ZZEF1: variants seen among roughly 807,000 people sequenced by gnomAD.
ZZEF1 encodes zinc finger ZZ-type and EF-hand domain containing 1.
A neutral mutation model predicts 342.8 loss-of-function variants in ZZEF1; 157 were observed. That is an observed-to-expected ratio of 0.46 (90% CI 0.40 to 0.52). The LOEUF is 0.52. Among genes scored for constraint, ZZEF1 ranks in the 20% least tolerant of loss-of-function variants. The pLI is 0.00. For missense variants in ZZEF1, 3,480 were observed against 3,725.6 expected, an observed-to-expected ratio of 0.93 and a Z score of 1.72; for synonymous variants, 1,505 against 1,429.1, an observed-to-expected ratio of 1.05 and a Z score of -1.20.
At chr17:4,084,818 A>G (rs2057788854) in intron 16 of ZZEF1, among the ~76,000 whole-genome samples, 1 of 152,228 alleles carries the variant, frequency 6.6e-6, no homozygotes, top group Non-Finnish European at 1.5e-5. Context: ...TAAGGAATAA[A>G]ACTTGGTGAT....
chr17:4,006,687 T>C lies in ZZEF1; in HGVS notation c.*203A>G. On this transcript the variant is annotated 3_prime_UTR_variant, in exon 55 of 55. Coordinates refer to ENST00000381638, the MANE Select transcript of ZZEF1 (RefSeq NM_015113.4). ...GAGGCATTCTGCACTGCTTGGCTTA[T>C]TTTCACCATGCTACAGCCTGTGCTT... is the stretch of plus-strand genomic sequence containing the variant. 3.1e-6 allele frequency: 2 copies of C among 638,026 alleles called. No homozygotes were observed. Among genetic ancestry groups the C allele is most frequent in the South Asian group, 3.6e-5 (2 of 56,270 alleles). 39.5% of individuals were successfully genotyped at this position (638,026 alleles called of 1,614,324 possible). A position where few individuals can be genotyped will look rare whatever the true frequency, so the allele number is the denominator to read the frequency against.
chr17:4,084,948 C>T (rs975776064), intron 16 of ZZEF1, among the ~76,000 whole-genome samples: 1 of 151,850 alleles, frequency 6.6e-6, no homozygotes, highest in African/African-American at 2.4e-5. Flanking sequence ...CTCATCTCTA[C>T]AAAAAATACA....
At chr17:4,057,657 G>C (rs2057193226) in intron 32 of ZZEF1, among the ~76,000 whole-genome samples, 1 of 152,192 alleles carries the variant, frequency 6.6e-6, no homozygotes, top group African/African-American at 2.4e-5. Flanking sequence ...AAAATGCAGA[G>C]GATTCTCGGC....
At chr17:4,024,579 C>T (rs1307834698) in intron 43 of ZZEF1, among the ~76,000 whole-genome samples, 5 of 152,172 alleles carry the variant, frequency 3.3e-5, no homozygotes, top group Admixed American at 6.5e-5. Flanking sequence ...GGCTAGCTCC[C>T]TCTATTCTTC....
intron 9 of ZZEF1, among the ~76,000 whole-genome samples, chr17:4,097,842 T>C (rs781238230): frequency 2.1e-5 from 3 of 144,218 alleles, no homozygotes; most frequent in Non-Finnish European, 4.5e-5. Context: ...ATGCCTGTAA[T>C]CCCAGCACTT....
At chr17:4,059,085 G>A in intron 31 of ZZEF1, 86 bp downstream of exon 31, 1 of 1,172,556 alleles carries the variant, frequency 8.5e-7, no homozygotes, top group Admixed American at 3.3e-5. Flanking sequence ...GTGCTTTTTG[G>A]TATTTTTGAC....
At position 4,051,971 on chromosome 17, in the gene ZZEF1, C is replaced by T; in HGVS notation, c.5600G>A (p.Gly1867Asp). ...GTGGCGACGGTCACTTGAGACATAC[C>T]CGTAGGAGTATTTCTTCGCTGCATA... Reference protein sequence around the residue: ...GCYAAKKYSYGHLPTHSITAH... With the variant: ...GCYAAKKYSYDHLPTHSITAH... The change falls in exon 35 of 55, where the codon GGC (glycine) becomes GAC (aspartate). Residue 1867 changes from glycine to aspartate, a missense_variant and splice_region_variant. By Grantham distance (94) the Gly-to-Asp change is moderately conservative (BLOSUM62 -1). This residue lies in a region of ZZEF1 where 175 missense variants were observed against 254.6 expected (regional missense o/e 0.69). Transcript: ENST00000381638. 1.2e-6 allele frequency: 2 copies of T among 1,613,038 alleles called. No individual in the cohort carries two copies. Among genetic ancestry groups the T allele is most frequent in the South Asian group, 2.2e-5 (2 of 90,934 alleles).
At chr17:4,009,313 A>G in intron 53 of ZZEF1, 1 of 572,200 alleles carries the variant, frequency 1.7e-6, no homozygotes, top group South Asian at 2.1e-5. Flanking sequence ...GGAAGCAGAA[A>G]TAACCCATCG....
intron 51 of ZZEF1, 133 bp downstream of exon 51, chr17:4,013,957 G>A (rs2056033844): frequency 2.3e-6 from 2 of 857,038 alleles, no homozygotes; most frequent in South Asian, 3.3e-5. Flanking sequence ...TGGGGCTTGT[G>A]AGACAAATTT....
intron 37 of ZZEF1, among the ~76,000 whole-genome samples, chr17:4,047,685 G>A (rs13341876): frequency 0.12 from 17,614 of 149,666 alleles, 1,077 homozygotes; most frequent in Middle Eastern, 0.14. Flanking sequence ...GCTCACGCCT[G>A]TAATCCCAGC....
At chr17:4,022,972 C>T (rs755807156) in intron 43 of ZZEF1, 144 bp from the exon 44 acceptor site, 69 of 1,135,774 alleles carry the variant, frequency 6.1e-5, no homozygotes, top group Non-Finnish European at 7.7e-5. Context: ...TTATGTCACA[C>T]TCCCCTGCTC....
At chr17:4,107,424 A>C (rs79003551) in intron 6 of ZZEF1, among the ~76,000 whole-genome samples, 11,715 of 152,230 alleles carry the variant, frequency 0.077, 533 homozygotes, top group South Asian at 0.14. Flanking sequence ...ATGGTGGCCT[A>C]CAGTGAGGTT....
chr17:4,079,793 G>C (rs2057688576), intron 18 of ZZEF1, among the ~76,000 whole-genome samples: 1 of 152,174 alleles, frequency 6.6e-6, no homozygotes, highest in African/African-American at 2.4e-5. Context: ...AGCTGGGAAT[G>C]AATGAAATCA....
chr17:4,079,317 G>T (rs892696323), intron 18 of ZZEF1, among the ~76,000 whole-genome samples: 5 of 152,170 alleles, frequency 3.3e-5, no homozygotes, highest in Admixed American at 3.3e-4. Flanking sequence ...AACAACAGAA[G>T]AAAGACTGGT....
In ZZEF1 at chr17:4,092,130, G is replaced by A. The variant is rs146382627; in HGVS notation, c.1914-1300C>T. ...TAAATAAATAAGAAGGAGAAAAAGAGCAGTTTTTTCAAGTAACATTCCTAA... is the reference window on the plus strand; with the variant it reads ...TAAATAAATAAGAAGGAGAAAAAGAACAGTTTTTTCAAGTAACATTCCTAA... On this transcript the variant is annotated intron_variant, in intron 11 of 54. Transcript: ENST00000381638. 5.2e-3 allele frequency among the ~76,000 whole-genome samples: 789 copies of A among 150,940 alleles called. 7 individuals carry two copies. The highest frequency in any genetic ancestry group is 0.018 in the African/African-American group (748 of 41,216).
chr17:4,105,644 C>T lies in ZZEF1; in HGVS notation c.1394+49G>A, dbSNP rs146763009. The T allele has an allele frequency of 3.2e-4, 422 of 1,320,016 alleles. 2 individuals carry two copies. The highest frequency in any genetic ancestry group is 1.9e-3 in the African/African-American group (131 of 67,822). 81.8% of individuals were successfully genotyped at this position (1,320,016 alleles called of 1,614,324 possible). ...ATTTTTTAAAGACTTAACAAGCATA[C>T]GTGCACTCCATTCCTCACAGAGTTT... On this transcript the variant is annotated intron_variant, in intron 7 of 54. Transcript: ENST00000381638.
Position 4,025,067 on chromosome 17 carries a change from G to C in ZZEF1, c.6944C>G (p.Ser2315Cys), listed in dbSNP as rs778902278. The C allele has an allele frequency of 7.4e-6, 12 of 1,614,024 alleles. No homozygotes were observed. Among genetic ancestry groups the C allele is most frequent in the Middle Eastern group, 1.6e-4 (1 of 6,084 alleles). The change falls in exon 43 of 55, where the codon TCT (serine) becomes TGT (cysteine). Residue 2315 changes from serine to cysteine, a missense_variant. By Grantham distance (112) the Ser-to-Cys change is moderately radical. Around this residue, in one of 5 missense-constraint regions of ZZEF1, gnomAD observed 1,269 missense variants for 1,342.4 expected, o/e 0.95. Coordinates refer to ENST00000381638, the MANE Select transcript of ZZEF1 (RefSeq NM_015113.4). ...GGAGTACTGGCTCAGCTGGGCCCGA[G>C]AGTCACCACACTCTTGTCCTCCTCC... is the stretch of plus-strand genomic sequence containing the variant. ...QKGGGQECGD[S>C]RAQLSQYSQH...
intron 9 of ZZEF1, among the ~76,000 whole-genome samples, chr17:4,101,014 C>T (rs150491278): frequency 6.6e-6 from 1 of 152,292 alleles, no homozygotes; most frequent in African/African-American, 2.4e-5. Flanking sequence ...CTCCCAGCCC[C>T]ACCCACTTTG....
At position 4,109,833 on chromosome 17, in the gene ZZEF1, C is replaced by T; in HGVS notation, c.1097G>A (p.Ser366Asn). The T allele has an allele frequency of 6.2e-7, 1 of 1,614,166 alleles. No individual in the cohort carries two copies. The highest frequency in any genetic ancestry group is 8.5e-7 in the Non-Finnish European group (1 of 1,180,032). ...YVQINIKRCL[S>N]DGCDTRIHGL... ...ATGAATTCTAGTGTCGCAGCCATCG[C>T]TAAGACAACGCTTTATGTTAATCTG... Residue 366 changes from serine (S) to asparagine (N), a missense_variant, in exon 6 of 55, where the codon AGC becomes AAC. Transcript: ENST00000381638.
Sources: gnomAD v4.1 joint callset for allele counts (sites outside exome capture counted in the v4.1 genomes callset) on GRCh38, gnomAD v4.1.1 for gene constraint, gnomAD v4.1.1 regional missense constraint, MANE v1.5 for transcripts, NCBI Gene and HGNC (gene_info 2026-07-23, HGNC 2026-07-21) for gene names.